Variants in FHIT observed in about 807,000 individuals in gnomAD.
The protein encoded by FHIT is bis(5'-adenosyl)-triphosphatase.
A neutral mutation model predicts 17.9 loss-of-function variants in FHIT; 19 were observed. The observed-to-expected ratio is 1.06, with a 90% CI of 0.74 to 1.56. The LOEUF (loss-of-function observed/expected upper bound fraction) is 1.56, where lower values mean the gene tolerates loss of function less well. Ranked by LOEUF, FHIT falls within the 40% of genes most tolerant of loss-of-function variation. FHIT has a pLI of 0.00. For synonymous variants in FHIT, 81 were observed against 69.7 expected, an observed-to-expected ratio of 1.16 and a Z score of -0.81; for missense variants, 248 against 189.2, an observed-to-expected ratio of 1.31 and a Z score of -1.82.
chr3:60,723,949 C>T (rs782039703), intron 4 of FHIT, among the ~76,000 whole-genome samples: 1 of 152,198 alleles, frequency 6.6e-6, no homozygotes, highest in Non-Finnish European at 1.5e-5. Context: ...AGAAAACAAG[C>T]CCTGTGGCAT....
intron 4 of FHIT, among the ~76,000 whole-genome samples, chr3:60,682,218 G>C (rs1309753379): frequency 1.3e-5 from 2 of 152,068 alleles, no homozygotes; most frequent in African/African-American, 4.8e-5. Context: ...TTATTTGCCT[G>C]CCTCGGCCTC....
At position 61,214,334 on chromosome 3, in the gene FHIT, A is replaced by G. The variant is rs190812939; in HGVS notation, c.-212-13669T>C. ...AAATGATAAAGGGGATATCACCACC[A>G]ATCCCATAGAAATACAAACTACCAT... On this transcript the variant is annotated intron_variant, in intron 1 of 9. Coordinates refer to ENST00000492590, the MANE Select transcript of FHIT (RefSeq NM_002012.4). Among the ~76,000 whole-genome samples the G allele has an allele frequency of 2.6e-5, 4 of 152,286 alleles. No homozygotes were observed. The South Asian group carries it at 6.2e-4, about 24-fold the overall frequency.
At chr3:60,499,213 G>T (rs572732471) in intron 5 of FHIT, among the ~76,000 whole-genome samples, 1 of 152,274 alleles carries the variant, frequency 6.6e-6, no homozygotes, top group East Asian at 1.9e-4. Flanking sequence ...ATACTTAAAT[G>T]ATTTGCAGCA....
chr3:60,093,701 A>G (rs1178416733), intron 5 of FHIT, among the ~76,000 whole-genome samples: 2 of 152,202 alleles, frequency 1.3e-5, no homozygotes, highest in African/African-American at 2.4e-5. Context: ...CAAGAACCCT[A>G]CTATGAACTG....
chr3:59,864,226 G>A (rs1702531990), intron 8 of FHIT, among the ~76,000 whole-genome samples: 1 of 152,132 alleles, frequency 6.6e-6, no homozygotes, highest in Non-Finnish European at 1.5e-5. Flanking sequence ...ATTCCCACAT[G>A]CTGTGGGAGA....
chr3:60,280,625 G>T (rs770593705), intron 5 of FHIT, among the ~76,000 whole-genome samples: 1 of 152,068 alleles, frequency 6.6e-6, no homozygotes, highest in South Asian at 2.1e-4. Flanking sequence ...TCAAGGAATG[G>T]ATTTCCCTCC....
intron 2 of FHIT, among the ~76,000 whole-genome samples, chr3:61,147,424 T>C (rs546545428): frequency 6.6e-6 from 1 of 152,172 alleles, no homozygotes; most frequent in South Asian, 2.1e-4. Flanking sequence ...AAATGATGTA[T>C]TTTTCTGTCA....
At chr3:59,834,196 G>T (rs1701261042) in intron 8 of FHIT, among the ~76,000 whole-genome samples, 1 of 152,134 alleles carries the variant, frequency 6.6e-6, no homozygotes. Context: ...GTCCTAGTTT[G>T]TTCATTTACT....
chr3:60,527,087 G>A (rs1245638946), intron 5 of FHIT, among the ~76,000 whole-genome samples: 1 of 152,120 alleles, frequency 6.6e-6, no homozygotes, highest in Non-Finnish European at 1.5e-5. Flanking sequence ...TTCCTGCTTA[G>A]GCCTTAGCTG....
intron 1 of FHIT, among the ~76,000 whole-genome samples, chr3:61,242,377 A>C (rs1292086382): frequency 6.6e-6 from 1 of 152,090 alleles, no homozygotes; most frequent in Non-Finnish European, 1.5e-5. Flanking sequence ...TTTTCTATAA[A>C]TAAAGGTTTT....
At chr3:60,529,346 T>C (rs963782787) in intron 5 of FHIT, among the ~76,000 whole-genome samples, 2 of 152,072 alleles carry the variant, frequency 1.3e-5, no homozygotes, top group Non-Finnish European at 2.9e-5. Flanking sequence ...AAAGCTACCT[T>C]GACTGTTGTA....
At chr3:60,573,943 G>A (rs562397756) in intron 4 of FHIT, among the ~76,000 whole-genome samples, 1 of 151,972 alleles carries the variant, frequency 6.6e-6, no homozygotes, top group African/African-American at 2.4e-5. Flanking sequence ...CTGAGTAGCT[G>A]GAATTACAGG....
At chr3:59,987,975 A>C (rs1015330977) in intron 7 of FHIT, among the ~76,000 whole-genome samples, 2 of 152,084 alleles carry the variant, frequency 1.3e-5, no homozygotes, top group Non-Finnish European at 2.9e-5. Context: ...CTACAGAAAA[A>C]TGCCTCATGT....
At chr3:61,137,777 C>G (rs1386777635) in intron 2 of FHIT, among the ~76,000 whole-genome samples, 5 of 152,184 alleles carry the variant, frequency 3.3e-5, no homozygotes, top group African/African-American at 7.2e-5. Context: ...GGTCTGGATC[C>G]TGGAGCTAGA....
intron 3 of FHIT, among the ~76,000 whole-genome samples, chr3:61,025,991 C>T (rs1293847933): frequency 2.0e-5 from 3 of 152,054 alleles, no homozygotes; most frequent in African/African-American, 7.2e-5. Context: ...GTTATATGCA[C>T]AAAAATTTAT....
intron 5 of FHIT, among the ~76,000 whole-genome samples, chr3:60,261,108 A>C (rs1020816276): frequency 7.2e-5 from 11 of 152,202 alleles, no homozygotes; most frequent in African/African-American, 2.6e-4. Context: ...TGCTTTCCAA[A>C]TAAACTTGCT....
At chr3:60,446,311 A>G (rs949435360) in intron 5 of FHIT, among the ~76,000 whole-genome samples, 1 of 152,194 alleles carries the variant, frequency 6.6e-6, no homozygotes, top group Non-Finnish European at 1.5e-5. Flanking sequence ...ATGCAGAATT[A>G]TAGAGACTCT....
At chr3:60,762,041 G>A (rs957425984) in intron 4 of FHIT, among the ~76,000 whole-genome samples, 1 of 152,110 alleles carries the variant, frequency 6.6e-6, no homozygotes, top group African/African-American at 2.4e-5. Flanking sequence ...AGACCTCAGT[G>A]ATTAACATAA....
chr3:60,560,115 A>T (rs1201714508), intron 4 of FHIT, among the ~76,000 whole-genome samples: 3 of 152,146 alleles, frequency 2.0e-5, no homozygotes, highest in Non-Finnish European at 4.4e-5. Context: ...TACACAAACA[A>T]GACAGTACAC....
Sources: allele counts gnomAD v4.1 joint callset (sites outside exome capture counted in the v4.1 genomes callset), GRCh38; gene constraint gnomAD v4.1.1; transcripts MANE v1.5; gene names NCBI Gene and HGNC (gene_info 2026-07-23, HGNC 2026-07-21).